Variants in KANK1 observed in about 807,000 individuals in gnomAD.
KANK1 encodes the protein KN motif and ankyrin repeat domain-containing protein 1.
KANK1 carries 109 observed loss-of-function variants against 106.2 expected under a neutral mutation model. The observed-to-expected ratio is 1.03, with a 90% CI of 0.88 to 1.20. The LOEUF (loss-of-function observed/expected upper bound fraction) is 1.20. Among genes scored for constraint, KANK1 ranks in the 50% most tolerant of loss-of-function variants. The probability of loss-of-function intolerance (pLI) is 0.00; values close to 1 mark genes in which losing one functional copy is unlikely to be tolerated. For synonymous variants in KANK1, 873 were observed against 652.2 expected, an observed-to-expected ratio of 1.34 and a Z score of -5.16; for missense variants, 2,399 against 1,710.7, an observed-to-expected ratio of 1.40 and a Z score of -7.10.
At chr9:499,916 C>G (rs2058521228), upstream of KANK1, among the ~76,000 whole-genome samples, 1 of 152,088 alleles carries the variant, frequency 6.6e-6, no homozygotes, top group Non-Finnish European at 1.5e-5. Flanking sequence ...AAGGGGCTTG[C>G]TAGTTAATTG....
Position 617,829 on chromosome 9 carries a change from G to A in KANK1, c.-83-59061G>A, listed in dbSNP as rs940901631. Among the ~76,000 whole-genome samples the A allele has an allele frequency of 7.9e-5, 12 of 152,348 alleles. No individual in the cohort carries two copies. The Middle Eastern group carries it at 0.01, about 130-fold the overall frequency. On this transcript the variant is annotated intron_variant, in intron 1 of 11. Coordinates refer to ENST00000382297, the MANE Select transcript of KANK1 (RefSeq NM_015158.5). Reference sequence around the variant, plus strand: ...CCTGCTCAGGTTTCTCATAGGAGTAGGCTCCATGTAAGACTTCTGTCTTTT... The same window carrying A: ...CCTGCTCAGGTTTCTCATAGGAGTAAGCTCCATGTAAGACTTCTGTCTTTT...
intron 1 of KANK1, among the ~76,000 whole-genome samples, chr9:538,668 C>T (rs1344250034): frequency 5.3e-5 from 8 of 152,138 alleles, no homozygotes; most frequent in Non-Finnish European, 1.0e-4. Flanking sequence ...GTTTGAGAGT[C>T]AGCTTAGAAC....
intron 1 of KANK1, among the ~76,000 whole-genome samples, chr9:654,459 C>G (rs569351626): frequency 1.3e-5 from 2 of 152,178 alleles, no homozygotes; most frequent in South Asian, 4.1e-4. Context: ...CTACTATTCT[C>G]TTGCTATCAG....
chr9:539,152 A>G (rs189250829), intron 1 of KANK1, among the ~76,000 whole-genome samples: 3 of 152,136 alleles, frequency 2.0e-5, no homozygotes, highest in Non-Finnish European at 4.4e-5. Context: ...AAGTGCTGGG[A>G]TTATAGGCAT....
chr9:497,916 C>T (rs1238910265), intron 3 of KANK1, among the ~76,000 whole-genome samples: 1 of 152,092 alleles, frequency 6.6e-6, no homozygotes, highest in African/African-American at 2.4e-5. Context: ...TTCTAGGGAC[C>T]ACCCCAGTTC....
intron 2 of KANK1, among the ~76,000 whole-genome samples, chr9:706,314 C>T (rs756426112): frequency 3.3e-5 from 5 of 152,202 alleles, no homozygotes; most frequent in African/African-American, 2.4e-5. Context: ...CAACGTGATA[C>T]ATGCTTTTTG....
intron 10 of KANK1, among the ~76,000 whole-genome samples, chr9:743,609 A>T (rs1335522528): frequency 6.6e-6 from 1 of 152,210 alleles, no homozygotes; most frequent in Admixed American, 6.5e-5. Flanking sequence ...TCACTCCTGT[A>T]ATTCCAGCAC....
At chr9:567,665 A>T (rs1047833066) in intron 1 of KANK1, among the ~76,000 whole-genome samples, 1 of 152,228 alleles carries the variant, frequency 6.6e-6, no homozygotes. Context: ...CATGTTTGGA[A>T]ATGTGAAACC....
At chr9:494,411 G>A (rs1250324809) in intron 3 of KANK1, among the ~76,000 whole-genome samples, 1 of 151,980 alleles carries the variant, frequency 6.6e-6, no homozygotes, top group Admixed American at 6.6e-5. Context: ...TTATACTGGC[G>A]GTATAGAATT....
chr9:510,625 C>CG (rs1415329596), intron 1 of KANK1, among the ~76,000 whole-genome samples: 4 of 152,180 alleles, frequency 2.6e-5, no homozygotes, highest in Non-Finnish European at 5.9e-5. Context: ...GGGAGAGCCC[C>CG]GGTTGACCAC....
intron 1 of KANK1, among the ~76,000 whole-genome samples, chr9:570,854 T>A (rs1055320220): frequency 7.9e-5 from 12 of 152,346 alleles, no homozygotes; most frequent in Middle Eastern, 3.4e-3. Flanking sequence ...CTCTGCATAC[T>A]ATTTTAATAA....
upstream of KANK1, among the ~76,000 whole-genome samples, chr9:503,993 A>C (rs987291857): frequency 6.6e-6 from 1 of 152,162 alleles, no homozygotes; most frequent in East Asian, 1.9e-4. Context: ...GGGCGAATGC[A>C]CGGAGGTCAC....
At chr9:559,324 A>C (rs1465626327) in intron 1 of KANK1, among the ~76,000 whole-genome samples, 7 of 152,156 alleles carry the variant, frequency 4.6e-5, no homozygotes, top group African/African-American at 7.2e-5. Context: ...TACAGTCAAC[A>C]CTGTCATTCA....
At chr9:608,506 C>A (rs1343422830) in intron 1 of KANK1, among the ~76,000 whole-genome samples, 2 of 151,676 alleles carry the variant, frequency 1.3e-5, no homozygotes, top group African/African-American at 2.4e-5. Context: ...TGTTTCAGAG[C>A]ATGTGAGATG....
At chr9:525,700 A>G (rs1021488014) in intron 1 of KANK1, among the ~76,000 whole-genome samples, 2 of 151,530 alleles carry the variant, frequency 1.3e-5, no homozygotes, top group Non-Finnish European at 2.9e-5. Context: ...AGATTTGTCA[A>G]TGGCTCTAAT....
chr9:563,417 A>G (rs549890735), intron 1 of KANK1, among the ~76,000 whole-genome samples: 14 of 152,338 alleles, frequency 9.2e-5, no homozygotes, highest in African/African-American at 2.6e-4. Context: ...TGTCAGTTCA[A>G]TGCATTGTAC....
intron 1 of KANK1, among the ~76,000 whole-genome samples, chr9:670,804 G>A (rs188110362): frequency 6.2e-4 from 95 of 152,234 alleles, no homozygotes; most frequent in Middle Eastern, 3.4e-3. Context: ...AGCCAAGATG[G>A]TAGGCAAGTT....
intron 7 of KANK1, among the ~76,000 whole-genome samples, chr9:735,308 A>G (rs1833484718): frequency 6.6e-6 from 1 of 152,206 alleles, no homozygotes. Flanking sequence ...GCAGGCGGCC[A>G]CTATTTTTAA....
At chr9:544,382 T>C (rs2060800533) in intron 1 of KANK1, among the ~76,000 whole-genome samples, 2 of 152,168 alleles carry the variant, frequency 1.3e-5, no homozygotes, top group Non-Finnish European at 2.9e-5. Flanking sequence ...TTCTGTGTCA[T>C]GTATGTATTT....
Sources: allele counts gnomAD v4.1 joint callset (sites outside exome capture counted in the v4.1 genomes callset), GRCh38; gene constraint gnomAD v4.1.1; transcripts MANE v1.5; gene names NCBI Gene and HGNC (gene_info 2026-07-23, HGNC 2026-07-21).